Variants in WLS observed in about 807,000 individuals in gnomAD.
WLS encodes the protein Wnt ligand secretion mediator.
Under a neutral mutation model 62.8 loss-of-function variants are expected in WLS, and 23 were observed. That is an observed-to-expected ratio of 0.37 (90% CI 0.26 to 0.52). WLS has a LOEUF of 0.52. WLS is among the 20% of genes least tolerant of loss of function. The pLI is 0.92. For synonymous variants in WLS, 246 were observed against 244.1 expected, an observed-to-expected ratio of 1.01 and a Z score of -0.07; for missense variants, 615 against 697.3, an observed-to-expected ratio of 0.88 and a Z score of 1.33.
chr1:68,149,804 G>A (rs1646801869), intron 6 of WLS, among the ~76,000 whole-genome samples: 1 of 152,164 alleles, frequency 6.6e-6, no homozygotes, highest in Admixed American at 6.5e-5. Context: ...GACAAGCAGG[G>A]CAGAAGCCAG....
intron 1 of WLS, among the ~76,000 whole-genome samples, chr1:68,227,702 A>G (rs1650220710): frequency 6.6e-6 from 1 of 152,202 alleles, no homozygotes; most frequent in Non-Finnish European, 1.5e-5. Context: ...AGCAGAATTG[A>G]ATACAGAAAA....
rs560948116 is a variant in WLS at position 68,178,611 on chromosome 1, C to T, written c.379+15344G>A. Among the ~76,000 whole-genome samples the T allele has an allele frequency of 8.6e-5, 13 of 151,004 alleles. No individual in the cohort carries two copies. The East Asian group carries it at 1.2e-3, about 14-fold the overall frequency. On this transcript the variant is annotated intron_variant, in intron 2 of 11. Transcript: ENST00000262348. Reference sequence around the variant, plus strand: ...ATCCCAGCTACTCAGGAGGCTGAGACGGGAGAATCACTTGAACCCAGGAGG... The same window carrying T: ...ATCCCAGCTACTCAGGAGGCTGAGATGGGAGAATCACTTGAACCCAGGAGG...
intron 8 of WLS, among the ~76,000 whole-genome samples, chr1:68,146,743 C>T (rs1234442857): frequency 6.6e-6 from 1 of 152,166 alleles, no homozygotes; most frequent in African/African-American, 2.4e-5. Flanking sequence ...GTCTGGGTTG[C>T]TGCCAGTATA....
chr1:68,105,976 TTC>T (rs1337784804), intron 11 of WLS, among the ~76,000 whole-genome samples: 3 of 152,164 alleles, frequency 2.0e-5, no homozygotes, highest in African/African-American at 7.2e-5. Context: ...ACATAATCAC[TTC>T]TCTTTTTTCC....
chr1:68,228,163 TG>T (rs1378877247), intron 1 of WLS: 1 of 395,664 alleles, frequency 2.5e-6, no homozygotes, highest in Non-Finnish European at 4.9e-6. Flanking sequence ...AGTTACCTTT[TG>T]GAAGAAACAA....
At chr1:68,201,249 G>T (rs1649000401) in intron 1 of WLS, among the ~76,000 whole-genome samples, 1 of 152,120 alleles carries the variant, frequency 6.6e-6, no homozygotes, top group South Asian at 2.1e-4. Flanking sequence ...TTCCTAAAAA[G>T]ATTTCTTAAT....
At position 68,125,633 on chromosome 1, in the gene WLS, T is replaced by C. The variant is rs1049542734; in HGVS notation, c.*593A>G. The C allele has an allele frequency of 5.1e-6, 5 of 985,444 alleles. No homozygotes were observed. Among genetic ancestry groups the C allele is most frequent in the Non-Finnish European group, 6.0e-6 (5 of 830,034 alleles). The allele number at this position is 985,444 out of a possible 1,614,324, so 61.0% of individuals were successfully genotyped here. A position where few individuals can be genotyped will look rare whatever the true frequency, so the allele number is the denominator to read the frequency against. ...TTTGGTTTCAAAGCTGAAATACCCC[T>C]GGTGGAATAAATCTTCTCATGAAAT... On this transcript the variant is annotated 3_prime_UTR_variant, in exon 12 of 12. Transcript: ENST00000262348.
At chr1:68,106,052 A>G (rs1010298565) in intron 11 of WLS, among the ~76,000 whole-genome samples, 3 of 152,128 alleles carry the variant, frequency 2.0e-5, no homozygotes, top group African/African-American at 7.2e-5. Flanking sequence ...ATGAAAAATC[A>G]AGTACCTCGC....
chr1:68,110,858 G>A (rs1336853380), intron 11 of WLS, among the ~76,000 whole-genome samples: 1 of 152,060 alleles, frequency 6.6e-6, no homozygotes, highest in Non-Finnish European at 1.5e-5. Context: ...AAAAATTAAA[G>A]AGGCTCCTTA....
chr1:68,128,366 C>T (rs779348354), intron 11 of WLS, among the ~76,000 whole-genome samples: 1 of 152,198 alleles, frequency 6.6e-6, no homozygotes, highest in Non-Finnish European at 1.5e-5. Flanking sequence ...ATTTCTCAGT[C>T]AAAGCTATTT....
At position 68,125,544 on chromosome 1, in the gene WLS, G is replaced by A; in HGVS notation, c.*682C>T. The A allele has an allele frequency of 1.0e-6, 1 of 985,338 alleles. No homozygotes were observed. The highest frequency in any genetic ancestry group is 1.2e-6 in the Non-Finnish European group (1 of 829,908). 61.0% of individuals were successfully genotyped at this position (985,338 alleles called of 1,614,324 possible). A position where few individuals can be genotyped will look rare whatever the true frequency, so the allele number is the denominator to read the frequency against. On this transcript the variant is annotated 3_prime_UTR_variant, in exon 12 of 12. Transcript: ENST00000262348. ...CATTTAATACAGTAAATCTTACTTG[G>A]GTAGTTTAGCAAACATTTTTTAAAA... is the stretch of plus-strand genomic sequence containing the variant.
intron 6 of WLS, among the ~76,000 whole-genome samples, chr1:68,149,964 G>C (rs112845551): frequency 1.3e-5 from 2 of 152,184 alleles, no homozygotes; most frequent in African/African-American, 2.4e-5. Flanking sequence ...TGAGGGACCC[G>C]AGATTCAGAG....
At chr1:68,152,146 G>A (rs1455276192) in intron 5 of WLS, among the ~76,000 whole-genome samples, 2 of 152,274 alleles carry the variant, frequency 1.3e-5, no homozygotes, top group East Asian at 1.9e-4. Context: ...ATCCTGGGAG[G>A]GAATAGGTTG....
chr1:68,203,889 A>C (rs924622445), intron 1 of WLS, among the ~76,000 whole-genome samples: 2 of 152,228 alleles, frequency 1.3e-5, no homozygotes, highest in Non-Finnish European at 2.9e-5. Context: ...TGGATAGATA[A>C]GAGCAAGAGC....
At chr1:68,183,542 A>G (rs773211437) in intron 2 of WLS, 11 of 532,746 alleles carry the variant, frequency 2.1e-5, no homozygotes, top group Non-Finnish European at 4.2e-5. Context: ...GTTGAAGGCC[A>G]AAAATTAGTT....
intron 11 of WLS, among the ~76,000 whole-genome samples, chr1:68,111,691 C>T (rs1237873217): frequency 6.6e-6 from 1 of 152,124 alleles, no homozygotes; most frequent in East Asian, 1.9e-4. Flanking sequence ...GCTGGTGGGT[C>T]GGGAAACATT....
chr1:68,185,071 C>A (rs1236464419), intron 2 of WLS, among the ~76,000 whole-genome samples: 1 of 152,152 alleles, frequency 6.6e-6, no homozygotes, highest in Non-Finnish European at 1.5e-5. Context: ...ACACACCAAG[C>A]AAGCAATCAA....
chr1:68,197,999 G>A (rs1378940449), intron 1 of WLS, among the ~76,000 whole-genome samples: 1 of 152,082 alleles, frequency 6.6e-6, no homozygotes, highest in Non-Finnish European at 1.5e-5. Context: ...ATAGATTCAG[G>A]TCAACAAACT....
intron 2 of WLS, chr1:68,162,990 G>T: frequency 6.3e-7 from 1 of 1,593,390 alleles, no homozygotes; most frequent in Non-Finnish European, 8.6e-7. Context: ...CGCCACCAGG[G>T]GGCAGGAGTG....
Sources: allele counts gnomAD v4.1 joint callset (sites outside exome capture counted in the v4.1 genomes callset), GRCh38; gene constraint gnomAD v4.1.1; transcripts MANE v1.5; gene names NCBI Gene and HGNC (gene_info 2026-07-23, HGNC 2026-07-21).